The following DCDC1 variants were observed in gnomAD, a reference collection of about 807,000 sequenced individuals.
The protein encoded by DCDC1 is doublecortin domain containing 1, also known as doublecortin domain-containing protein 1.
In DCDC1, 200 loss-of-function variants were observed where a neutral mutation model predicts 178.3. That is an observed-to-expected ratio of 1.12 (90% CI 1.00 to 1.26). The LOEUF (loss-of-function observed/expected upper bound fraction) is 1.26, where lower values mean the gene tolerates loss of function less well. DCDC1 is among the 50% of genes most tolerant of loss of function. The pLI is 0.00. For synonymous variants in DCDC1, 690 were observed against 604.8 expected, an observed-to-expected ratio of 1.14 and a Z score of -2.07; for missense variants, 1,983 against 1,749.2, an observed-to-expected ratio of 1.13 and a Z score of -2.38.
intron 36 of DCDC1, among the ~76,000 whole-genome samples, chr11:30,888,065 AGAGAGAG>A (rs1565029179): frequency 1.1e-5 from 1 of 91,946 alleles, no homozygotes; most frequent in African/African-American, 4.5e-5. Context: ...AAAGAAAGAG[AGAGAGAG>A]AGAGAGAGAG....
intron 20 of DCDC1, among the ~76,000 whole-genome samples, chr11:30,999,464 CT>C (rs1951451973): frequency 6.6e-6 from 1 of 152,028 alleles, no homozygotes; most frequent in African/African-American, 2.4e-5. Flanking sequence ...ATCTAATTTC[CT>C]TATGTATTCT....
At position 31,250,421 on chromosome 11, in the gene DCDC1, C is replaced by CATATACATATATATATATATAT. The variant is rs1943920511; in HGVS notation, c.1055-8806_1055-8805insATATATATATATATATGTATAT. Among the ~76,000 whole-genome samples the CATATACATATATATATATATAT allele has an allele frequency of 3.6e-4, 19 of 52,942 alleles. 1 individual carries two copies. The highest frequency in any genetic ancestry group is 2.7e-3 in the Admixed American group (14 of 5,280). 34.7% of individuals were successfully genotyped at this position (52,942 alleles called of 152,430 possible). ...ACACACACACACACACACACATATA[C>CATATACATATATATATATATAT]ATATATATGTATATATATATATATC... On this transcript the variant is annotated intron_variant, in intron 8 of 38. Transcript: ENST00000684477.
chr11:31,313,106 T>C (rs1030213088), intron 3 of DCDC1, among the ~76,000 whole-genome samples: 1 of 152,122 alleles, frequency 6.6e-6, no homozygotes. Flanking sequence ...AGAACCCTAA[T>C]ATATTTGCTA....
chr11:31,174,061 G>A (rs1252825588), intron 9 of DCDC1, among the ~76,000 whole-genome samples: 1 of 152,100 alleles, frequency 6.6e-6, no homozygotes, highest in African/African-American at 2.4e-5. Flanking sequence ...CTTCCCCAAC[G>A]CGGGTGCAGC....
intron 21 of DCDC1, among the ~76,000 whole-genome samples, chr11:30,936,135 G>C (rs546796888): frequency 2.3e-4 from 35 of 152,288 alleles, no homozygotes; most frequent in Middle Eastern, 3.4e-3. Context: ...GGCAGAGTTT[G>C]AGTCAGAAGT....
intron 7 of DCDC1, among the ~76,000 whole-genome samples, chr11:31,275,294 T>C (rs16922016): frequency 6.6e-6 from 1 of 152,172 alleles, no homozygotes; most frequent in Non-Finnish European, 1.5e-5. Flanking sequence ...AAACCAATTC[T>C]TTTTAGTACC....
At chr11:31,045,932 G>A (rs1954810660) in intron 20 of DCDC1, among the ~76,000 whole-genome samples, 1 of 151,936 alleles carries the variant, frequency 6.6e-6, no homozygotes, top group Non-Finnish European at 1.5e-5. Context: ...ACACAAATAC[G>A]GTACAATGTT....
chr11:31,265,047 TGG>T (rs1945056807), intron 8 of DCDC1, among the ~76,000 whole-genome samples: 1 of 152,186 alleles, frequency 6.6e-6, no homozygotes, highest in Non-Finnish European at 1.5e-5. Flanking sequence ...AATGGGTTAC[TGG>T]AGTTCTTCCT....
At chr11:31,280,875 C>T (rs544366558) in intron 7 of DCDC1, 17 of 637,104 alleles carry the variant, frequency 2.7e-5, no homozygotes, top group Non-Finnish European at 4.5e-5. Flanking sequence ...GTCTTCTGCC[C>T]GAAGAGACCA....
Position 31,127,480 on chromosome 11 carries a change from G to T in DCDC1, c.1474C>A (p.Leu492Met), listed in dbSNP as rs1961805102. The T allele has an allele frequency of 1.4e-6, 1 of 702,260 alleles. No individual in the cohort carries two copies. Among genetic ancestry groups the T allele is most frequent in the Admixed American group, 2.0e-5 (1 of 49,956 alleles). The allele number at this position is 702,260 out of a possible 1,614,324, so 43.5% of individuals were successfully genotyped here. Residue 492 changes from leucine to methionine, a missense_variant, in exon 11 of 39, where the codon CTG becomes ATG. Physicochemically the swap from Leu to Met is conservative, Grantham distance 15. Transcript: ENST00000684477. Reference sequence around the variant, plus strand: ...AGAACGACACCCACCTTAAGCTGCAGGCCTCCTGGGACAAGCGTGTTTGCT... The same window carrying T: ...AGAACGACACCCACCTTAAGCTGCATGCCTCCTGGGACAAGCGTGTTTGCT... ...LPANTLVPGG[L>M]QLKVFENGKN...
At chr11:31,141,105 G>A (rs907139214) in intron 9 of DCDC1, among the ~76,000 whole-genome samples, 5 of 152,066 alleles carry the variant, frequency 3.3e-5, no homozygotes, top group African/African-American at 7.2e-5. Context: ...CCCATCTTAC[G>A]TGCATCACTC....
chr11:31,004,371 T>A (rs1271441689), intron 20 of DCDC1, among the ~76,000 whole-genome samples: 1 of 151,968 alleles, frequency 6.6e-6, no homozygotes, highest in Non-Finnish European at 1.5e-5. Context: ...CCCTCACAAT[T>A]CACTGGAATG....
chr11:30,867,941 CCAGTCAGCAT>C (rs1941149347), intron 38 of DCDC1, among the ~76,000 whole-genome samples: 1 of 152,162 alleles, frequency 6.6e-6, no homozygotes, highest in East Asian at 1.9e-4. Context: ...GGTCCCTCGG[CCAGTCAGCAT>C]CAAGTTGGAT....
At chr11:31,287,745 G>T (rs1227633646) in intron 7 of DCDC1, among the ~76,000 whole-genome samples, 1 of 151,810 alleles carries the variant, frequency 6.6e-6, no homozygotes. Context: ...ACTGAAATAT[G>T]CACACAGCAG....
chr11:31,326,902 T>C (rs1949676703), intron 3 of DCDC1, among the ~76,000 whole-genome samples: 1 of 152,188 alleles, frequency 6.6e-6, no homozygotes. Flanking sequence ...AGACAGCCAA[T>C]AGTTTATCAA....
Position 31,261,096 on chromosome 11 carries a change from CATAGAG to C in DCDC1, c.1054+4405_1054+4410del, listed in dbSNP as rs533920519. Among the ~76,000 whole-genome samples the C allele has an allele frequency of 2.6e-5, 4 of 152,218 alleles. No homozygotes were observed. In the East Asian group the frequency reaches 7.7e-4, roughly 29 times the overall value. Reference sequence around the variant, plus strand: ...ATATTTCATCATAAAATTCCAATAACATAGAGATGAATTTGAATGTTAGCTCTTGCC... The same window carrying C: ...ATATTTCATCATAAAATTCCAATAACATGAATTTGAATGTTAGCTCTTGCC... On this transcript the variant is annotated intron_variant, in intron 8 of 38. Transcript: ENST00000684477.
intron 20 of DCDC1, among the ~76,000 whole-genome samples, chr11:31,041,911 A>G (rs1230725793): frequency 6.6e-6 from 1 of 152,214 alleles, no homozygotes; most frequent in Non-Finnish European, 1.5e-5. Flanking sequence ...CATATAAAAT[A>G]TTAGAACAAA....
At chr11:31,123,859 C>T (rs544971878) in intron 11 of DCDC1, among the ~76,000 whole-genome samples, 3 of 151,938 alleles carry the variant, frequency 2.0e-5, no homozygotes, top group Admixed American at 2.0e-4. Flanking sequence ...TAAGGAAAGT[C>T]CTGGGAAACC....
intron 20 of DCDC1, among the ~76,000 whole-genome samples, chr11:31,017,808 G>A (rs1277006392): frequency 6.6e-6 from 1 of 152,122 alleles, no homozygotes; most frequent in Non-Finnish European, 1.5e-5. Flanking sequence ...GCCCAGGCTG[G>A]TATTGAACTT....
Sources: gnomAD v4.1 joint callset for allele counts (sites outside exome capture counted in the v4.1 genomes callset) on GRCh38, gnomAD v4.1.1 for gene constraint, MANE v1.5 for transcripts, NCBI Gene and HGNC (gene_info 2026-07-23, HGNC 2026-07-21) for gene names.